SNRPD3: variants seen among roughly 807,000 people sequenced by gnomAD.
The protein encoded by SNRPD3 is small nuclear ribonucleoprotein Sm D3.
For synonymous variants in SNRPD3, 66 were observed against 58.4 expected (o/e 1.13, Z -0.59); for missense variants, 73 against 167.5 (o/e 0.44, Z 3.11).
chr22:24,566,337 T>A (rs1479669204), intron 2 of SNRPD3, among the ~76,000 whole-genome samples: 1 of 152,170 alleles, frequency 6.6e-6, no homozygotes, highest in African/African-American at 2.4e-5. Context: ...AGTGGCTCCA[T>A]CACAGCTCCC....
At position 24,565,747 on chromosome 22, in the gene SNRPD3, A is replaced by G. The variant is rs558566825; in HGVS notation, c.127-2237A>G. On this transcript the variant is annotated intron_variant, in intron 2 of 3. Coordinates refer to ENST00000215829, the MANE Select transcript of SNRPD3 (RefSeq NM_004175.5). ...GTGATTTTGGCTCACTGCAACCTCTACCTCCCGGGTTCAAGTGATTCTCCT... is the reference window on the plus strand; with the variant it reads ...GTGATTTTGGCTCACTGCAACCTCTGCCTCCCGGGTTCAAGTGATTCTCCT... 1.4e-3 allele frequency among the ~76,000 whole-genome samples: 207 copies of G among 151,686 alleles called. 4 individuals are homozygous for G. The highest frequency in any genetic ancestry group is 4.0e-4 in the Non-Finnish European group (27 of 67,890).
Position 24,571,990 on chromosome 22 carries a change from A to T in SNRPD3, c.*13A>T, listed in dbSNP as rs768484185. 22 of 1,613,806 alleles carry T rather than the reference A, an allele frequency of 1.4e-5. No homozygotes were observed. The highest frequency in any genetic ancestry group is 1.7e-5 in the Non-Finnish European group (20 of 1,179,802). On this transcript the variant is annotated 3_prime_UTR_variant, in exon 4 of 4. Transcript: ENST00000215829. ...AAAGCGAAGATAATTTTCTAAGTTG[A>T]ACAGAACTTTGTCCTTTTTTCTTTC...
At chr22:24,570,631 C>T (rs971866811) in intron 3 of SNRPD3, among the ~76,000 whole-genome samples, 2 of 151,782 alleles carry the variant, frequency 1.3e-5, no homozygotes, top group Admixed American at 6.6e-5. Flanking sequence ...TGCAGTGAGC[C>T]GAAATCGTGC....
chr22:24,567,876 G>T, intron 2 of SNRPD3, 108 bp from the exon 3 acceptor site: 2 of 790,362 alleles, frequency 2.5e-6, no homozygotes, highest in Admixed American at 2.5e-5. Flanking sequence ...CACCAGCTTT[G>T]TCACAATGTC....
At chr22:24,568,450 T>G (rs1253020209) in intron 3 of SNRPD3, among the ~76,000 whole-genome samples, 1 of 152,080 alleles carries the variant, frequency 6.6e-6, no homozygotes, top group African/African-American at 2.4e-5. Context: ...CAAGCAATTC[T>G]CCTGCCTCAG....
chr22:24,567,552 G>A (rs190407803), intron 2 of SNRPD3, among the ~76,000 whole-genome samples: 4 of 152,302 alleles, frequency 2.6e-5, no homozygotes, highest in African/African-American at 9.6e-5. Context: ...TTCGAGACCA[G>A]CCTGTCCAAC....
intron 3 of SNRPD3, among the ~76,000 whole-genome samples, chr22:24,570,361 C>T (rs757881241): frequency 2.0e-5 from 3 of 152,152 alleles, no homozygotes; most frequent in Non-Finnish European, 4.4e-5. Context: ...GAGCTGGGAA[C>T]CATAGATGAA....
chr22:24,574,765 C>T lies in SNRPD3; in HGVS notation c.*2788C>T, dbSNP rs1366854550. Among the ~76,000 whole-genome samples the T allele has an allele frequency of 6.6e-6, 1 of 152,134 alleles. No individual in the cohort carries two copies. Among genetic ancestry groups the T allele is most frequent in the Non-Finnish European group, 1.5e-5 (1 of 68,026 alleles). ...CCATGTTGCCCAAGCTGGTCTTGAA[C>T]TCCGGGGCTCAAGTGATCTGCCCGC... is the stretch of plus-strand genomic sequence containing the variant. On this transcript the variant is annotated 3_prime_UTR_variant, in exon 4 of 4. Coordinates refer to ENST00000215829, the MANE Select transcript of SNRPD3 (RefSeq NM_004175.5).
At chr22:24,556,279 C>G (rs1041537292) in intron 1 of SNRPD3, among the ~76,000 whole-genome samples, 3 of 152,168 alleles carry the variant, frequency 2.0e-5, no homozygotes, top group African/African-American at 4.8e-5. Flanking sequence ...CATTCTGTAT[C>G]TCTCCAGGTG....
rs1273318634 is a variant in SNRPD3, at chr22:24,573,919, A to G, written c.*1942A>G. On this transcript the variant is annotated 3_prime_UTR_variant, in exon 4 of 4. Transcript: ENST00000215829. ...ATGAAAGCAGTGGTTTTCAACATCA[A>G]CTAAGGATCTTATTAGAAATGAAGA... 1.3e-5 allele frequency among the ~76,000 whole-genome samples: 2 copies of G among 152,198 alleles called. No individual in the cohort carries two copies. Among genetic ancestry groups the G allele is most frequent in the African/African-American group, 4.8e-5 (2 of 41,456 alleles).
At position 24,572,177 on chromosome 22, in the gene SNRPD3, C is replaced by T; in HGVS notation, c.*200C>T. The T allele has an allele frequency of 2.7e-6, 3 of 1,100,158 alleles. No individual in the cohort carries two copies. Among genetic ancestry groups the T allele is most frequent in the Non-Finnish European group, 4.0e-6 (3 of 756,428 alleles). The allele number at this position is 1,100,158 out of a possible 1,614,324, so 68.1% of individuals were successfully genotyped here. ...TTTGAGAAAATAAGGACTTTGTGTT[C>T]ATTTGAAGTTTGCTTTGGCTAAATT... On this transcript the variant is annotated 3_prime_UTR_variant, in exon 4 of 4. Coordinates refer to ENST00000215829, the MANE Select transcript of SNRPD3 (RefSeq NM_004175.5).
At chr22:24,569,932 T>C (rs1330845220) in intron 3 of SNRPD3, among the ~76,000 whole-genome samples, 1 of 152,236 alleles carries the variant, frequency 6.6e-6, no homozygotes, top group East Asian at 1.9e-4. Flanking sequence ...CTTGTTCACC[T>C]TCCTGTCAGG....
chr22:24,565,063 T>A (rs2045184403), intron 2 of SNRPD3, among the ~76,000 whole-genome samples: 1 of 151,676 alleles, frequency 6.6e-6, no homozygotes, highest in African/African-American at 2.4e-5. Flanking sequence ...GTTAAAAATT[T>A]TTGTAGAGAT....
chr22:24,555,752 T>C (rs1183883824), upstream of SNRPD3: 6 of 1,550,474 alleles, frequency 3.9e-6, no homozygotes, highest in Non-Finnish European at 5.2e-6. Context: ...TGTGGGGTGC[T>C]TGGAAGTGTG....
In SNRPD3 at chr22:24,574,526, A is replaced by G. The variant is rs568408429; in HGVS notation, c.*2549A>G. On this transcript the variant is annotated 3_prime_UTR_variant, in exon 4 of 4. Coordinates refer to ENST00000215829, the MANE Select transcript of SNRPD3 (RefSeq NM_004175.5). ...CATGTCTCAATATGAACATGTTTTCATGACTATTCCTTGATGGTTTTTTGT... is the reference window on the plus strand; with the variant it reads ...CATGTCTCAATATGAACATGTTTTCGTGACTATTCCTTGATGGTTTTTTGT... Among the ~76,000 whole-genome samples the G allele has an allele frequency of 3.9e-5, 6 of 152,120 alleles. No homozygotes were observed. In the South Asian group the frequency reaches 8.3e-4, roughly 21 times the overall value.
At chr22:24,563,206 ATGTGTGTGTG>A (rs1177387267) in intron 2 of SNRPD3, among the ~76,000 whole-genome samples, 1 of 106,142 alleles carries the variant, frequency 9.4e-6, no homozygotes, top group African/African-American at 2.8e-5. Context: ...TGTCTCATAT[ATGTGTGTGTG>A]TGTGTGTGTG....
At chr22:24,559,128 C>T (rs968147817) in intron 2 of SNRPD3, among the ~76,000 whole-genome samples, 82 of 152,252 alleles carry the variant, frequency 5.4e-4, no homozygotes, top group African/African-American at 1.8e-3. Flanking sequence ...AGGTAAAGCA[C>T]CTTACACCGC....
intron 2 of SNRPD3, among the ~76,000 whole-genome samples, chr22:24,560,501 G>C (rs1415675699): frequency 8.0e-6 from 1 of 125,578 alleles, no homozygotes; most frequent in African/African-American, 3.1e-5. Flanking sequence ...CTGGAGTGCA[G>C]TGGCATGATC....
In SNRPD3 at chr22:24,574,829, CG is replaced by C. The variant is rs1297965324; in HGVS notation, c.*2854del. On this transcript the variant is annotated 3_prime_UTR_variant, in exon 4 of 4. Transcript: ENST00000215829. Reference sequence around the variant, plus strand: ...GATTATAGGTGTGAGCCACTGCACCCGGCCACCATTATCTTTTGAATCCTCT... The same window carrying C: ...GATTATAGGTGTGAGCCACTGCACCCGCCACCATTATCTTTTGAATCCTCT... Among the ~76,000 whole-genome samples the C allele has an allele frequency of 1.3e-5, 2 of 152,112 alleles. No individual in the cohort carries two copies. Among genetic ancestry groups the C allele is most frequent in the Admixed American group, 6.5e-5 (1 of 15,272 alleles).
Sources: gnomAD v4.1 joint callset for allele counts (sites outside exome capture counted in the v4.1 genomes callset) on GRCh38, gnomAD v4.1.1 for gene constraint, MANE v1.5 for transcripts, NCBI Gene and HGNC (gene_info 2026-07-23, HGNC 2026-07-21) for gene names.